The following FOXO3 variants were observed in gnomAD, a reference collection of about 807,000 sequenced individuals.
The protein encoded by FOXO3 is forkhead box protein O3.
FOXO3 carries 4 observed loss-of-function variants against 41.9 expected under a neutral mutation model. That is an observed-to-expected ratio of 0.10 (90% CI 0.05 to 0.22). The LOEUF (loss-of-function observed/expected upper bound fraction) is 0.22. Ranked by LOEUF, FOXO3 falls within the 10% of genes least tolerant of loss-of-function variation. The pLI is 1.00. For missense variants in FOXO3, 534 were observed against 906.8 expected, an observed-to-expected ratio of 0.59 and a Z score of 5.28; for synonymous variants, 318 against 389.3, an observed-to-expected ratio of 0.82 and a Z score of 2.16.
At chr6:108,660,724 AG>A (rs1434425929) in intron 1 of FOXO3, among the ~76,000 whole-genome samples, 1 of 151,274 alleles carries the variant, frequency 6.6e-6, no homozygotes, top group African/African-American at 2.4e-5. Flanking sequence ...TACAAAAATT[AG>A]GCCGGGCATG....
chr6:108,591,710 T>TA (rs1319244116), intron 1 of FOXO3, among the ~76,000 whole-genome samples: 36 of 152,164 alleles, frequency 2.4e-4, no homozygotes, highest in Admixed American at 6.5e-5. Context: ...TTGAGCCAGT[T>TA]ATTGTATAGG....
intron 1 of FOXO3, among the ~76,000 whole-genome samples, chr6:108,616,931 G>T (rs748145984): frequency 6.6e-6 from 1 of 152,064 alleles, no homozygotes; most frequent in Non-Finnish European, 1.5e-5. Context: ...TGTTTTCCAG[G>T]TTCATCCATG....
rs1028355147 is a variant in FOXO3 at position 108,657,070 on chromosome 6, G to A, written c.622-6385G>A. 9.2e-5 allele frequency among the ~76,000 whole-genome samples: 14 copies of A among 152,330 alleles called. No individual in the cohort carries two copies. In the East Asian group the frequency reaches 1.5e-3, roughly 17 times the overall value. On this transcript the variant is annotated intron_variant, in intron 1 of 2. Coordinates refer to ENST00000406360, the MANE Select transcript of FOXO3 (RefSeq NM_001455.4). ...GGTTATGCCACTGATTGCCAGTTCT[G>A]TAACTGATTAACTACACCTAACGGG...
At chr6:108,652,598 C>A (rs1354202350) in intron 1 of FOXO3, among the ~76,000 whole-genome samples, 1 of 152,178 alleles carries the variant, frequency 6.6e-6, no homozygotes. Flanking sequence ...TTTCTAGCAC[C>A]ACCACCCACT....
chr6:108,628,840 G>A (rs1777882026), intron 1 of FOXO3, among the ~76,000 whole-genome samples: 1 of 152,102 alleles, frequency 6.6e-6, no homozygotes, highest in Non-Finnish European at 1.5e-5. Flanking sequence ...TTGGGTGGGT[G>A]AAAACACTTT....
rs1770959169 is a variant in FOXO3 at position 108,683,784 on chromosome 6, G to A, written c.*3992G>A. On this transcript the variant is annotated 3_prime_UTR_variant, in exon 3 of 3. Transcript: ENST00000406360. The stretch of plus-strand genomic sequence containing the variant: ...TTTATTTTTCTTGCTGTATTTGGGT[G>A]AACATTGTATGATTAGGCATAATGT... 6.6e-6 allele frequency: 1 copy of A among 151,964 alleles called. No individual in the cohort carries two copies. The highest frequency in any genetic ancestry group is 2.1e-4 in the South Asian group (1 of 4,824). The allele number at this position is 151,964 out of a possible 1,614,324, so 9.4% of individuals were successfully genotyped here. A position where few individuals can be genotyped will look rare whatever the true frequency, so the allele number is the denominator to read the frequency against.
At chr6:108,661,323 AAT>A (rs747283238) in intron 1 of FOXO3, among the ~76,000 whole-genome samples, 2 of 151,740 alleles carry the variant, frequency 1.3e-5, no homozygotes, top group East Asian at 3.9e-4. Context: ...AATTTAAACA[AAT>A]ATATATATAT....
intron 1 of FOXO3, among the ~76,000 whole-genome samples, chr6:108,640,221 A>G (rs114758030): frequency 3.8e-4 from 58 of 152,292 alleles, no homozygotes; most frequent in African/African-American, 1.3e-3. Flanking sequence ...AAAGGTAGGG[A>G]TGATATTGTG....
In FOXO3 at chr6:108,664,163, C is replaced by T. The variant is rs570814853; in HGVS notation, c.1330C>T (p.Arg444Cys). 8.1e-6 allele frequency: 13 copies of T among 1,613,886 alleles called. No homozygotes were observed. The highest frequency in any genetic ancestry group is 4.5e-5 in the East Asian group (2 of 44,862). ...VFGPSSLNSL[R>C]QSPMQTIQEN... ...CGGACCTTCATCTCTGAACTCCCTA[C>T]GCCAGTCTCCCATGCAGACCATCCA... The change falls in exon 2 of 3, where the codon CGC (arginine) becomes TGC (cysteine). Residue 444 changes from arginine (R) to cysteine (C), a missense_variant. Coordinates refer to ENST00000406360, the MANE Select transcript of FOXO3 (RefSeq NM_001455.4).
chr6:108,654,599 AAAACTT>A (rs1286230450), intron 1 of FOXO3, among the ~76,000 whole-genome samples: 1 of 152,160 alleles, frequency 6.6e-6, no homozygotes, highest in East Asian at 1.9e-4. Context: ...TTGCTGCTTG[AAAACTT>A]AAATGTTAGT....
At chr6:108,566,929 A>G (rs2128355739) in intron 1 of FOXO3, among the ~76,000 whole-genome samples, 1 of 152,344 alleles carries the variant, frequency 6.6e-6, no homozygotes, top group South Asian at 2.1e-4. Context: ...ACCCATTTGC[A>G]TCACATCCCA....
At position 108,561,610 on chromosome 6, in the gene FOXO3, A is replaced by T. The variant is rs888474246; in HGVS notation, c.402A>T (p.Pro134=). The T allele has an allele frequency of 1.3e-6, 2 of 1,533,412 alleles. No individual in the cohort carries two copies. Among genetic ancestry groups the T allele is most frequent in the Non-Finnish European group, 1.8e-6 (2 of 1,139,938 alleles). 95.0% of individuals were successfully genotyped at this position (1,533,412 alleles called of 1,614,324 possible). A position where few individuals can be genotyped will look rare whatever the true frequency, so the allele number is the denominator to read the frequency against. Reference sequence around the variant, plus strand: ...TGCTGCAGCCTCAGCAACCGCTGCCACCGCCGCAGCCGGGGGCGGCTGGGG... The same window carrying T: ...TGCTGCAGCCTCAGCAACCGCTGCCTCCGCCGCAGCCGGGGGCGGCTGGGG... ...QALLQPQQPL[P]PPQPGAAGGS... is the part of the protein sequence containing the mutation. Residue 134 remains proline, a synonymous_variant, in exon 1 of 3, where the codon CCA becomes CCT. Coordinates refer to ENST00000406360, the MANE Select transcript of FOXO3 (RefSeq NM_001455.4).
rs116908161 is a variant in FOXO3, at chr6:108,654,035, A to G, written c.622-9420A>G. Among the ~76,000 whole-genome samples, 1,109 of 152,236 alleles carry G rather than the reference A, an allele frequency of 7.3e-3. 40 individuals carry two copies. Among genetic ancestry groups the G allele is most frequent in the Admixed American group, 0.061 (932 of 15,292 alleles). Reference sequence around the variant, plus strand: ...CATCCAAATGCTGCAGCTTTAACCTACTTTCTGGGACTGTCATCTCGCTGA... The same window carrying G: ...CATCCAAATGCTGCAGCTTTAACCTGCTTTCTGGGACTGTCATCTCGCTGA... On this transcript the variant is annotated intron_variant, in intron 1 of 2. Transcript: ENST00000406360.
At chr6:108,661,135 G>A (rs986712474) in intron 1 of FOXO3, among the ~76,000 whole-genome samples, 2 of 151,904 alleles carry the variant, frequency 1.3e-5, no homozygotes, top group Non-Finnish European at 2.9e-5. Context: ...CCAGCTACTC[G>A]GGAGGCTGAG....
At chr6:108,581,321 G>A (rs565921627) in intron 1 of FOXO3, among the ~76,000 whole-genome samples, 72 of 152,278 alleles carry the variant, frequency 4.7e-4, no homozygotes, top group Non-Finnish European at 9.6e-4. Flanking sequence ...ATTGGCAAAT[G>A]GGGGTTGAGG....
intron 1 of FOXO3, among the ~76,000 whole-genome samples, chr6:108,645,630 C>T (rs543430844): frequency 1.3e-5 from 2 of 152,202 alleles, no homozygotes; most frequent in African/African-American, 4.8e-5. Context: ...CCCTGCCAGT[C>T]GGCAACATTA....
intron 1 of FOXO3, among the ~76,000 whole-genome samples, chr6:108,578,698 A>G (rs992414698): frequency 3.9e-5 from 6 of 152,176 alleles, no homozygotes; most frequent in Non-Finnish European, 8.8e-5. Context: ...TAAAACCACT[A>G]TCAGACGGGA....
chr6:108,664,411 A>G lies in FOXO3; in HGVS notation c.1578A>G (p.Gly526=), dbSNP rs1439092898. The G allele has an allele frequency of 6.2e-7, 1 of 1,613,604 alleles. No individual in the cohort carries two copies. The highest frequency in any genetic ancestry group is 1.1e-5 in the South Asian group (1 of 91,048). The change falls in exon 2 of 3, where the codon GGA becomes GGG. Residue 526 remains glycine, a synonymous_variant. Transcript: ENST00000406360. ...MMSFAAQPNQ[G]SLVNQNLLHH... ...CCTTTGCTGCCCAGCCTAACCAGGG[A>G]AGTTTGGTCAATCAGAACTTGCTCC...
intron 2 of FOXO3, among the ~76,000 whole-genome samples, chr6:108,673,496 A>G (rs1017508291): frequency 2.6e-5 from 4 of 152,226 alleles, no homozygotes; most frequent in Non-Finnish European, 4.4e-5. Context: ...TGTCCTGGTC[A>G]TACCTTACAG....
Sources: gnomAD v4.1 joint callset for allele counts (sites outside exome capture counted in the v4.1 genomes callset) on GRCh38, gnomAD v4.1.1 for gene constraint, MANE v1.5 for transcripts, NCBI Gene and HGNC (gene_info 2026-07-23, HGNC 2026-07-21) for gene names.